SNX9: variants seen among roughly 807,000 people sequenced by gnomAD.
The protein encoded by SNX9 is sorting nexin 9.
SNX9 carries 44 observed loss-of-function variants against 89.4 expected under a neutral mutation model. That is an observed-to-expected ratio of 0.49 (90% CI 0.39 to 0.63). The LOEUF is 0.63. Among genes scored for constraint, SNX9 ranks in the 30% least tolerant of loss-of-function variants. The probability of loss-of-function intolerance (pLI) is 0.00; values close to 1 mark genes in which losing one functional copy is unlikely to be tolerated. For missense variants in SNX9, 578 were observed against 736.1 expected (o/e 0.79, Z 2.49); for synonymous variants, 236 against 247.8 (o/e 0.95, Z 0.45).
At chr6:157,835,984 C>T (rs1320420036) in intron 1 of SNX9, among the ~76,000 whole-genome samples, 3 of 152,058 alleles carry the variant, frequency 2.0e-5, no homozygotes, top group Non-Finnish European at 4.4e-5. Context: ...GGTGGAGTGC[C>T]GTGGCGTGAT....
chr6:157,875,922 C>G (rs543022110), intron 4 of SNX9, among the ~76,000 whole-genome samples: 4 of 151,736 alleles, frequency 2.6e-5, no homozygotes, highest in African/African-American at 9.7e-5. Context: ...AGGTGGATTG[C>G]TTGAGTGCTG....
At chr6:157,837,006 G>T (rs1444749112) in intron 1 of SNX9, among the ~76,000 whole-genome samples, 1 of 152,210 alleles carries the variant, frequency 6.6e-6, no homozygotes, top group Non-Finnish European at 1.5e-5. Flanking sequence ...CTTGGGTTCT[G>T]TCCTTGGTTG....
intron 4 of SNX9, among the ~76,000 whole-genome samples, chr6:157,875,455 A>T (rs1782499061): frequency 6.6e-6 from 1 of 152,206 alleles, no homozygotes; most frequent in African/African-American, 2.4e-5. Context: ...CAGAAACTGC[A>T]AATACCCTCT....
chr6:157,838,352 A>G (rs999256570), intron 1 of SNX9, among the ~76,000 whole-genome samples: 19 of 152,036 alleles, frequency 1.2e-4, no homozygotes, highest in Non-Finnish European at 1.3e-4. Context: ...CTCTCTCTAG[A>G]ATTTATACTG....
chr6:157,842,825 A>G (rs1195005510), intron 1 of SNX9, among the ~76,000 whole-genome samples: 1 of 152,198 alleles, frequency 6.6e-6, no homozygotes, highest in Non-Finnish European at 1.5e-5. Flanking sequence ...GGGGAGGTTC[A>G]GACTCTTGGA....
chr6:157,902,751 C>G (rs1173015809), intron 6 of SNX9, among the ~76,000 whole-genome samples: 2 of 152,128 alleles, frequency 1.3e-5, no homozygotes, highest in Admixed American at 6.5e-5. Flanking sequence ...CACTGCAACC[C>G]CAACGTCCCG....
chr6:157,844,587 G>GTTTTTTTGTTTTTTT lies in SNX9; in HGVS notation c.12+21148_12+21149insGTTTTTTTTTTTTTT, dbSNP rs1554291784. Among the ~76,000 whole-genome samples, 371 of 130,228 alleles carry GTTTTTTTGTTTTTTT rather than the reference G, an allele frequency of 2.8e-3. 6 individuals carry two copies. The highest frequency in any genetic ancestry group is 4.3e-3 in the Non-Finnish European group (269 of 61,850). 85.4% of individuals were successfully genotyped at this position (130,228 alleles called of 152,430 possible). ...ATTTTTAATCTTGTGGCTAATCCTT[G>GTTTTTTTGTTTTTTT]TTTTTTTTTTTTGTTTTTTTTTTTG... On this transcript the variant is annotated intron_variant, in intron 1 of 17. Coordinates refer to ENST00000392185, the MANE Select transcript of SNX9 (RefSeq NM_016224.5).
chr6:157,880,247 G>A (rs1782597534), intron 4 of SNX9, among the ~76,000 whole-genome samples: 1 of 152,126 alleles, frequency 6.6e-6, no homozygotes, highest in Admixed American at 6.5e-5. Context: ...AGTGGATTAG[G>A]CCACCAATAT....
At chr6:157,829,290 A>G (rs1030469101) in intron 1 of SNX9, 5 of 152,102 alleles carry the variant, frequency 3.3e-5, no homozygotes, top group African/African-American at 1.2e-4. Flanking sequence ...AATTGTCTTT[A>G]ATTTCCAAAT....
chr6:157,900,648 A>G (rs1456907512), intron 5 of SNX9, among the ~76,000 whole-genome samples: 1 of 152,116 alleles, frequency 6.6e-6, no homozygotes, highest in Non-Finnish European at 1.5e-5. Context: ...ATGAGGTGAG[A>G]TGGTCACATG....
At position 157,937,517 on chromosome 6, in the gene SNX9, T is replaced by C. The variant is rs1783950562; in HGVS notation, c.1527T>C (p.Thr509=). The C allele has an allele frequency of 6.2e-7, 1 of 1,612,334 alleles. No homozygotes were observed. The highest frequency in any genetic ancestry group is 8.5e-7 in the Non-Finnish European group (1 of 1,178,620). ...FLGCFPDIIG[T]HKGAIEKVKE... Reference sequence around the variant, plus strand: ...GCTGCTTCCCTGACATCATTGGCACTCACAAGGTAACCTGATCGTAGACAT... The same window carrying C: ...GCTGCTTCCCTGACATCATTGGCACCCACAAGGTAACCTGATCGTAGACAT... Residue 509 remains threonine (T), a synonymous_variant, in exon 15 of 18, where the codon ACT becomes ACC. Transcript: ENST00000392185.
chr6:157,865,039 C>G (rs1782228915), intron 1 of SNX9, among the ~76,000 whole-genome samples: 1 of 150,012 alleles, frequency 6.7e-6, no homozygotes, highest in Non-Finnish European at 1.5e-5. Flanking sequence ...CAAAACAAAA[C>G]AAAAACAAAA....
At chr6:157,897,871 GA>G (rs1300487295) in intron 5 of SNX9, among the ~76,000 whole-genome samples, 2 of 152,148 alleles carry the variant, frequency 1.3e-5, no homozygotes, top group African/African-American at 4.8e-5. Context: ...CAGAGAATGG[GA>G]GGTGGAGCTG....
At chr6:157,867,488 G>A (rs1782288570) in intron 1 of SNX9, 59 bp from the exon 2 acceptor site, 5 of 1,356,682 alleles carry the variant, frequency 3.7e-6, no homozygotes, top group East Asian at 4.7e-5. Flanking sequence ...TACACCTTTT[G>A]TGTTTTTACT....
chr6:157,890,776 G>A (rs1381402202), intron 4 of SNX9, among the ~76,000 whole-genome samples: 5 of 152,176 alleles, frequency 3.3e-5, no homozygotes, highest in African/African-American at 1.2e-4. Flanking sequence ...TGTATATGTC[G>A]ATTTTGTTTG....
intron 1 of SNX9, among the ~76,000 whole-genome samples, chr6:157,835,074 A>G (rs571450191): frequency 2.6e-5 from 4 of 151,488 alleles, no homozygotes; most frequent in Admixed American, 6.6e-5. Flanking sequence ...GTGCAGTGGC[A>G]TGATCTCAGC....
chr6:157,902,620 GTT>G (rs1045674985), intron 6 of SNX9, among the ~76,000 whole-genome samples: 1 of 151,940 alleles, frequency 6.6e-6, no homozygotes, highest in Admixed American at 6.6e-5. Flanking sequence ...GGAGCTTTGT[GTT>G]AGCTTAGGTT....
intron 6 of SNX9, among the ~76,000 whole-genome samples, chr6:157,905,303 G>T (rs757771461): frequency 6.6e-6 from 1 of 152,182 alleles, no homozygotes; most frequent in South Asian, 2.1e-4. Context: ...GAAGCAATGC[G>T]ACTGGAACTT....
intron 1 of SNX9, among the ~76,000 whole-genome samples, chr6:157,841,298 T>C (rs1781698024): frequency 6.6e-6 from 1 of 152,160 alleles, no homozygotes; most frequent in Non-Finnish European, 1.5e-5. Flanking sequence ...TTTAGGGTCT[T>C]CAAGATGAAG....
Sources: gnomAD v4.1 joint callset for allele counts (sites outside exome capture counted in the v4.1 genomes callset) on GRCh38, gnomAD v4.1.1 for gene constraint, MANE v1.5 for transcripts, NCBI Gene and HGNC (gene_info 2026-07-23, HGNC 2026-07-21) for gene names.